AGK: variants seen among roughly 807,000 people sequenced by gnomAD.
The protein encoded by AGK is acylglycerol kinase.
AGK carries 52 observed loss-of-function variants against 66.4 expected under a neutral mutation model. That is an observed-to-expected ratio of 0.78 (90% CI 0.63 to 0.99). The LOEUF is 0.99. Ranked by LOEUF, AGK falls within the 50% of genes least tolerant of loss-of-function variation. The pLI is 0.00. For missense variants in AGK, 451 were observed against 506.6 expected, an observed-to-expected ratio of 0.89 and a Z score of 1.05; for synonymous variants, 182 against 181.1, an observed-to-expected ratio of 1.00 and a Z score of -0.04.
intron 2 of AGK, among the ~76,000 whole-genome samples, chr7:141,588,065 C>A (rs1169080860): frequency 6.6e-6 from 1 of 152,002 alleles, no homozygotes; most frequent in Non-Finnish European, 1.5e-5. Flanking sequence ...TTGCATCTGA[C>A]CTTTTAAAAA....
intron 2 of AGK, among the ~76,000 whole-genome samples, chr7:141,558,761 C>T (rs1000316323): frequency 6.6e-6 from 1 of 152,168 alleles, no homozygotes; most frequent in Non-Finnish European, 1.5e-5. Flanking sequence ...ACAAGGTTTT[C>T]AGTTTCTCCA....
chr7:141,604,388 A>G (rs1324623214), intron 5 of AGK, among the ~76,000 whole-genome samples: 15 of 144,442 alleles, frequency 1.0e-4, no homozygotes, highest in African/African-American at 3.8e-4. Flanking sequence ...ATATATATAT[A>G]TATATATATA....
intron 5 of AGK, among the ~76,000 whole-genome samples, chr7:141,604,677 G>A (rs375673038): frequency 4.1e-5 from 6 of 146,932 alleles, no homozygotes; most frequent in Non-Finnish European, 7.4e-5. Flanking sequence ...TCCGCCTCCC[G>A]GGTTCAAGCG....
In AGK at chr7:141,596,929, G is replaced by A. The variant is rs144156737; in HGVS notation, c.221+288G>A. Reference sequence around the variant, plus strand: ...AGTAGTCCCCTCGGGAGCGACTGCTGTACTGCTAGGACGTAAATCCTTAGG... The same window carrying A: ...AGTAGTCCCCTCGGGAGCGACTGCTATACTGCTAGGACGTAAATCCTTAGG... On this transcript the variant is annotated intron_variant, in intron 4 of 15. Coordinates refer to ENST00000649286, the MANE Select transcript of AGK (RefSeq NM_018238.4). The A allele has an allele frequency of 3.6e-5, 12 of 329,874 alleles. No individual in the cohort carries two copies. In the East Asian group the frequency reaches 4.3e-4, roughly 12 times the overall value. The allele number at this position is 329,874 out of a possible 1,614,324, so 20.4% of individuals were successfully genotyped here.
chr7:141,638,564 G>T (rs970694787), intron 11 of AGK, among the ~76,000 whole-genome samples: 1 of 152,130 alleles, frequency 6.6e-6, no homozygotes, highest in Admixed American at 6.5e-5. Flanking sequence ...TCAAGGCAAG[G>T]ACATTAGATA....
chr7:141,617,328 G>A (rs1223360269), intron 8 of AGK, among the ~76,000 whole-genome samples: 1 of 152,102 alleles, frequency 6.6e-6, no homozygotes, highest in Non-Finnish European at 1.5e-5. Context: ...CAGTTTGGGG[G>A]AACTGATTTT....
At chr7:141,648,975 G>A (rs1797482577) in intron 13 of AGK, among the ~76,000 whole-genome samples, 3 of 151,476 alleles carry the variant, frequency 2.0e-5, no homozygotes, top group African/African-American at 4.9e-5. Context: ...ATAATTACTA[G>A]TGAGTGACAG....
rs187852859 is a variant in AGK at position 141,583,256 on chromosome 7, C to A, written c.102-9890C>A. On this transcript the variant is annotated intron_variant, in intron 2 of 15. Coordinates refer to ENST00000649286, the MANE Select transcript of AGK (RefSeq NM_018238.4). ...TGAAGACGTTTTAAGTTCTTGAGAACACAGGCTAAGGGAGAAGAAGGAGGA... is the reference window on the plus strand; with the variant it reads ...TGAAGACGTTTTAAGTTCTTGAGAAAACAGGCTAAGGGAGAAGAAGGAGGA... Among the ~76,000 whole-genome samples, 236 of 151,836 alleles carry A rather than the reference C, an allele frequency of 1.6e-3. 1 individual carries two copies. The highest frequency in any genetic ancestry group is 5.5e-3 in the African/African-American group (227 of 41,258).
At chr7:141,553,018 A>T (rs78975972) in intron 1 of AGK, among the ~76,000 whole-genome samples, 2 of 152,124 alleles carry the variant, frequency 1.3e-5, no homozygotes, top group East Asian at 1.9e-4. Flanking sequence ...TAAAAAAAAA[A>T]TAGCAAAAAC....
intron 2 of AGK, among the ~76,000 whole-genome samples, chr7:141,582,645 C>T (rs774180602): frequency 1.1e-4 from 16 of 152,016 alleles, no homozygotes; most frequent in Admixed American, 9.2e-4. Context: ...AGAGCCTAAA[C>T]GCTAACCAAT....
chr7:141,580,146 T>C (rs1795849697), intron 2 of AGK, among the ~76,000 whole-genome samples: 1 of 151,930 alleles, frequency 6.6e-6, no homozygotes, highest in African/African-American at 2.4e-5. Context: ...TATAACAGCA[T>C]GGTGGTGCAG....
At chr7:141,580,968 A>G in intron 2 of AGK, among the ~76,000 whole-genome samples, 1 of 151,978 alleles carries the variant, frequency 6.6e-6, no homozygotes, top group East Asian at 1.9e-4. Flanking sequence ...ATGAGTGTAT[A>G]TAATGGTTTT....
intron 1 of AGK, among the ~76,000 whole-genome samples, chr7:141,553,782 C>T (rs771202163): frequency 4.6e-5 from 7 of 152,106 alleles, no homozygotes; most frequent in Non-Finnish European, 1.0e-4. Flanking sequence ...TTCACTGCTG[C>T]TTTTGATAAG....
intron 2 of AGK, among the ~76,000 whole-genome samples, chr7:141,583,854 T>G (rs1009649999): frequency 6.6e-5 from 10 of 151,348 alleles, no homozygotes; most frequent in African/African-American, 2.4e-4. Flanking sequence ...GGTTGAGGGA[T>G]AGTGAGAGAG....
At chr7:141,612,446 T>C (rs1206396185) in intron 6 of AGK, among the ~76,000 whole-genome samples, 2 of 152,196 alleles carry the variant, frequency 1.3e-5, no homozygotes, top group Non-Finnish European at 2.9e-5. Flanking sequence ...TGTGTATTTG[T>C]TATACACAAA....
At chr7:141,558,937 C>G (rs1314181911) in intron 2 of AGK, among the ~76,000 whole-genome samples, 2 of 152,186 alleles carry the variant, frequency 1.3e-5, no homozygotes, top group African/African-American at 2.4e-5. Context: ...GGAGAAATGT[C>G]TGTTCAAGTC....
At position 141,641,349 on chromosome 7, in the gene AGK, CAGG is replaced by C; in HGVS notation, c.831_833del (p.Arg278del). 1 of 1,613,796 alleles carries C rather than the reference CAGG, an allele frequency of 6.2e-7. No homozygotes were observed. The highest frequency in any genetic ancestry group is 8.5e-7 in the Non-Finnish European group (1 of 1,179,886). On this transcript the variant is annotated inframe_deletion, in exon 12 of 16. Transcript: ENST00000649286. ...CCCCTGTACAAAGGCCTTCTTTGTA[CAGG>C]AGAATATTACGAAGGCTTGCGTCCT... is the stretch of plus-strand genomic sequence containing the variant.
At chr7:141,604,706 C>T (rs1199687371) in intron 5 of AGK, among the ~76,000 whole-genome samples, 1 of 150,976 alleles carries the variant, frequency 6.6e-6, no homozygotes, top group Admixed American at 6.6e-5. Context: ...GCCTCAGCCT[C>T]CTGAGTAGCT....
At chr7:141,566,626 C>T (rs1795477201) in intron 2 of AGK, among the ~76,000 whole-genome samples, 1 of 152,142 alleles carries the variant, frequency 6.6e-6, no homozygotes, top group South Asian at 2.1e-4. Context: ...CAACCTAACT[C>T]CTAGTTCAAA....
Sources: gnomAD v4.1 joint callset for allele counts (sites outside exome capture counted in the v4.1 genomes callset) on GRCh38, gnomAD v4.1.1 for gene constraint, MANE v1.5 for transcripts, NCBI Gene and HGNC (gene_info 2026-07-23, HGNC 2026-07-21) for gene names.